Variants in NKAIN2 observed in about 807,000 individuals in gnomAD.
NKAIN2 encodes the protein sodium/potassium transporting ATPase interacting 2.
Under a neutral mutation model 32.6 loss-of-function variants are expected in NKAIN2, and 14 were observed. The ratio of observed to expected loss-of-function variants is 0.43; its 90% CI spans 0.28 to 0.67. The LOEUF is 0.67. NKAIN2 is among the 30% of genes least tolerant of loss of function. The probability of loss-of-function intolerance (pLI) is 0.17; values close to 1 mark genes in which losing one functional copy is unlikely to be tolerated. For missense variants in NKAIN2, 198 were observed against 258.3 expected, an observed-to-expected ratio of 0.77 and a Z score of 1.60; for synonymous variants, 80 against 87.2, an observed-to-expected ratio of 0.92 and a Z score of 0.46.
intron 4 of NKAIN2, among the ~76,000 whole-genome samples, chr6:124,738,333 GAAAT>G (rs1360577466): frequency 1.3e-5 from 2 of 151,640 alleles, no homozygotes; most frequent in African/African-American, 4.8e-5. Context: ...ATAAAACATA[GAAAT>G]AATAAAAATA....
At chr6:123,902,086 G>A (rs530367126) in intron 1 of NKAIN2, among the ~76,000 whole-genome samples, 2 of 152,148 alleles carry the variant, frequency 1.3e-5, no homozygotes, top group Non-Finnish European at 2.9e-5. Context: ...ATCTAGGAGG[G>A]TGGCATGTAA....
At chr6:124,352,847 C>G (rs149777326) in intron 2 of NKAIN2, among the ~76,000 whole-genome samples, 22 of 152,276 alleles carry the variant, frequency 1.4e-4, no homozygotes, top group Admixed American at 1.2e-3. Flanking sequence ...AATTCTGTCT[C>G]TAGACCCAGC....
chr6:123,828,512 C>G (rs1774242314), intron 1 of NKAIN2, among the ~76,000 whole-genome samples: 1 of 152,128 alleles, frequency 6.6e-6, no homozygotes, highest in Non-Finnish European at 1.5e-5. Flanking sequence ...CTCCTAAAAG[C>G]CTATTTAATA....
At chr6:124,099,193 A>G (rs1029330218) in intron 1 of NKAIN2, among the ~76,000 whole-genome samples, 2 of 152,174 alleles carry the variant, frequency 1.3e-5, no homozygotes, top group African/African-American at 2.4e-5. Flanking sequence ...GGAATAAGAT[A>G]ATTGGTTGAT....
intron 3 of NKAIN2, among the ~76,000 whole-genome samples, chr6:124,368,227 A>G (rs1019867099): frequency 6.6e-6 from 1 of 152,102 alleles, no homozygotes; most frequent in African/African-American, 2.4e-5. Context: ...AACTACAACT[A>G]TGCTTGCATA....
At chr6:124,784,234 T>A (rs1189191881) in intron 4 of NKAIN2, among the ~76,000 whole-genome samples, 1 of 152,188 alleles carries the variant, frequency 6.6e-6, no homozygotes, top group Non-Finnish European at 1.5e-5. Flanking sequence ...CTGTTTACAC[T>A]TTACCCAGTT....
chr6:124,265,611 A>G (rs563019942), intron 1 of NKAIN2, among the ~76,000 whole-genome samples: 2 of 152,356 alleles, frequency 1.3e-5, no homozygotes, highest in South Asian at 4.1e-4. Flanking sequence ...TTCCTACAGA[A>G]AAACCACCAG....
chr6:124,323,334 A>G (rs2115030237), intron 2 of NKAIN2, among the ~76,000 whole-genome samples: 1 of 152,316 alleles, frequency 6.6e-6, no homozygotes, highest in East Asian at 1.9e-4. Flanking sequence ...GTGTCATCTA[A>G]GAACACTGCC....
chr6:124,415,712 C>T (rs1774432533), intron 3 of NKAIN2, among the ~76,000 whole-genome samples: 1 of 152,054 alleles, frequency 6.6e-6, no homozygotes, highest in South Asian at 2.1e-4. Flanking sequence ...GAGGTGTCAA[C>T]CATCAGTCAA....
intron 2 of NKAIN2, among the ~76,000 whole-genome samples, chr6:124,330,964 C>G (rs974699626): frequency 9.9e-5 from 15 of 151,976 alleles, no homozygotes; most frequent in African/African-American, 3.6e-4. Flanking sequence ...AGTTTCATCC[C>G]GAAACCATCC....
rs184203630 is a variant in NKAIN2, at chr6:124,331,649, T to C, written c.193-23618T>C. On this transcript the variant is annotated intron_variant, in intron 2 of 6. Transcript: ENST00000368417. Reference sequence around the variant, plus strand: ...CTGAATTTTCATCATTCCTCACATTTGCTTACCTTGTAACACCTTGTGGCC... The same window carrying C: ...CTGAATTTTCATCATTCCTCACATTCGCTTACCTTGTAACACCTTGTGGCC... Among the ~76,000 whole-genome samples, 362 of 152,312 alleles carry C rather than the reference T, an allele frequency of 2.4e-3. 2 individuals carry two copies. Among genetic ancestry groups the C allele is most frequent in the Non-Finnish European group, 3.6e-3 (245 of 68,022 alleles).
At chr6:124,667,698 T>C (rs1417907650) in intron 4 of NKAIN2, among the ~76,000 whole-genome samples, 1 of 152,074 alleles carries the variant, frequency 6.6e-6, no homozygotes. Flanking sequence ...AATAGTAGGA[T>C]ATGTTAGTGT....
intron 3 of NKAIN2, among the ~76,000 whole-genome samples, chr6:124,643,472 T>G (rs1290104585): frequency 6.6e-6 from 1 of 152,172 alleles, no homozygotes; most frequent in African/African-American, 2.4e-5. Context: ...ACATAGATTG[T>G]CCACATCACT....
chr6:123,867,954 T>C (rs2318062), intron 1 of NKAIN2, among the ~76,000 whole-genome samples: 31,243 of 151,050 alleles, frequency 0.21, 4,272 homozygotes, highest in East Asian at 0.49. Context: ...CTGCAAGCTC[T>C]GCCTCCCAGG....
At chr6:124,111,530 A>G (rs1785384616) in intron 1 of NKAIN2, among the ~76,000 whole-genome samples, 2 of 152,116 alleles carry the variant, frequency 1.3e-5, no homozygotes, top group South Asian at 2.1e-4. Flanking sequence ...TCTTTTGGTT[A>G]TGATTTATAA....
At chr6:124,408,211 T>G (rs1175494384) in intron 3 of NKAIN2, among the ~76,000 whole-genome samples, 3 of 152,132 alleles carry the variant, frequency 2.0e-5, no homozygotes, top group Admixed American at 1.3e-4. Flanking sequence ...TTAGATCCCA[T>G]TTGTCAATTT....
intron 4 of NKAIN2, among the ~76,000 whole-genome samples, chr6:124,741,306 G>T (rs1342111495): frequency 1.3e-5 from 2 of 151,692 alleles, no homozygotes; most frequent in Non-Finnish European, 2.9e-5. Flanking sequence ...TTAATATTTA[G>T]ATATTACTAA....
At chr6:124,471,071 C>T (rs1469761795) in intron 3 of NKAIN2, among the ~76,000 whole-genome samples, 2 of 152,126 alleles carry the variant, frequency 1.3e-5, no homozygotes. Flanking sequence ...GCTGTATGCC[C>T]TGCAAAGCCT....
intron 1 of NKAIN2, among the ~76,000 whole-genome samples, chr6:124,274,735 C>T (rs919747433): frequency 4.0e-5 from 6 of 151,700 alleles, no homozygotes; most frequent in African/African-American, 1.5e-4. Flanking sequence ...ATAATAACTA[C>T]TCAATATATA....
Sources: gnomAD v4.1 joint callset for allele counts (sites outside exome capture counted in the v4.1 genomes callset) on GRCh38, gnomAD v4.1.1 for gene constraint, MANE v1.5 for transcripts, NCBI Gene and HGNC (gene_info 2026-07-23, HGNC 2026-07-21) for gene names.